The following CGNL1 variants were observed in gnomAD, a reference collection of about 807,000 sequenced individuals.
CGNL1 encodes cingulin-like protein 1.
In CGNL1, 132 loss-of-function variants were observed where a neutral mutation model predicts 141.2. The ratio of observed to expected loss-of-function variants is 0.93; its 90% CI spans 0.81 to 1.08. CGNL1 has a LOEUF of 1.08. Among genes scored for constraint, CGNL1 ranks in the 50% least tolerant of loss-of-function variants. The pLI is 0.00. For missense variants in CGNL1, 1,870 were observed against 1,588.6 expected, an observed-to-expected ratio of 1.18 and a Z score of -3.01; for synonymous variants, 690 against 622.1, an observed-to-expected ratio of 1.11 and a Z score of -1.63.
intron 1 of CGNL1, among the ~76,000 whole-genome samples, chr15:57,389,825 T>G (rs1189703609): frequency 6.6e-6 from 1 of 152,108 alleles, no homozygotes; most frequent in Non-Finnish European, 1.5e-5. Context: ...TTGTTTTTGT[T>G]TTTTTTTGAG....
intron 13 of CGNL1, 83 bp downstream of exon 13, chr15:57,528,898 C>A: frequency 6.9e-7 from 1 of 1,450,462 alleles, no homozygotes; most frequent in Non-Finnish European, 9.3e-7. Context: ...TTGCTCTCAG[C>A]TCAGCCTTTG....
intron 1 of CGNL1, among the ~76,000 whole-genome samples, chr15:57,416,866 T>A (rs991497519): frequency 3.9e-5 from 6 of 152,172 alleles, no homozygotes; most frequent in African/African-American, 1.4e-4. Context: ...GAATGGTGGT[T>A]AGGTTCTAGG....
In CGNL1 at chr15:57,456,715, C is replaced by T. The variant is rs571158493; in HGVS notation, c.2190+2897C>T. ...GTCAGGAATGCATTACCTTCCATTC[C>T]AAGGGTGACAGGTCAACGTGAGACA... On this transcript the variant is annotated intron_variant, in intron 7 of 18. Coordinates refer to ENST00000281282, the MANE Select transcript of CGNL1 (RefSeq NM_032866.5). Among the ~76,000 whole-genome samples, 12 of 151,906 alleles carry T rather than the reference C, an allele frequency of 7.9e-5. No individual in the cohort carries two copies. In the South Asian group the frequency reaches 1.2e-3, roughly 16 times the overall value.
intron 13 of CGNL1, 78 bp downstream of exon 13, chr15:57,528,893 C>A: frequency 6.8e-7 from 1 of 1,471,738 alleles, no homozygotes. Flanking sequence ...CCTCTTTGCT[C>A]TCAGCTCAGC....
chr15:57,431,357 G>C (rs1485877494), intron 1 of CGNL1, among the ~76,000 whole-genome samples: 1 of 152,212 alleles, frequency 6.6e-6, no homozygotes, highest in African/African-American at 2.4e-5. Context: ...TTTAAAATCT[G>C]AAGAGTTTGG....
At chr15:57,490,242 G>A (rs1245078658) in intron 8 of CGNL1, among the ~76,000 whole-genome samples, 1 of 152,094 alleles carries the variant, frequency 6.6e-6, no homozygotes, top group Non-Finnish European at 1.5e-5. Context: ...ATATTAAATG[G>A]GGATACTGGA....
chr15:57,509,641 GT>G (rs1389353304), intron 8 of CGNL1, among the ~76,000 whole-genome samples: 1 of 152,206 alleles, frequency 6.6e-6, no homozygotes, highest in Non-Finnish European at 1.5e-5. Flanking sequence ...AAATGTGGGT[GT>G]TAACCCATGA....
intron 8 of CGNL1, among the ~76,000 whole-genome samples, chr15:57,464,577 AT>A (rs1389807853): frequency 3.3e-5 from 5 of 151,422 alleles, no homozygotes; most frequent in Non-Finnish European, 7.4e-5. Context: ...TTCCTGTTGA[AT>A]TTTTTCAGTG....
At chr15:57,445,499 C>A (rs191659683) in intron 4 of CGNL1, among the ~76,000 whole-genome samples, 1 of 152,158 alleles carries the variant, frequency 6.6e-6, no homozygotes, top group African/African-American at 2.4e-5. Context: ...CCCTTAGGGA[C>A]GGAGACCATA....
rs142659892 is a variant in CGNL1, at chr15:57,459,333, C to T, written c.2191-2347C>T. Among the ~76,000 whole-genome samples, 71 of 152,196 alleles carry T rather than the reference C, an allele frequency of 4.7e-4. No homozygotes were observed. The East Asian group carries it at 0.013, about 28-fold the overall frequency. On this transcript the variant is annotated intron_variant, in intron 7 of 18. Transcript: ENST00000281282. ...ATAAATCAGATCTGTATCCTTCTTT[C>T]AACAAGGATAAGTAGGCGAGTCAAA... is the stretch of plus-strand genomic sequence containing the variant.
At chr15:57,496,403 G>T (rs140683162) in intron 8 of CGNL1, among the ~76,000 whole-genome samples, 1 of 152,120 alleles carries the variant, frequency 6.6e-6, no homozygotes, top group Non-Finnish European at 1.5e-5. Flanking sequence ...AAACCCTATT[G>T]TTAACTGTGC....
At chr15:57,455,492 C>T (rs1029658581) in intron 7 of CGNL1, among the ~76,000 whole-genome samples, 7 of 152,148 alleles carry the variant, frequency 4.6e-5, no homozygotes, top group Non-Finnish European at 1.0e-4. Context: ...CCTGATATCC[C>T]CTGTCCTTTT....
chr15:57,433,223 T>A (rs1202889510), intron 1 of CGNL1, among the ~76,000 whole-genome samples: 1 of 152,208 alleles, frequency 6.6e-6, no homozygotes, highest in Non-Finnish European at 1.5e-5. Flanking sequence ...AAGACACACC[T>A]GGTTATTTTG....
At chr15:57,517,968 C>T (rs1267069964) in intron 9 of CGNL1, among the ~76,000 whole-genome samples, 1 of 149,068 alleles carries the variant, frequency 6.7e-6, no homozygotes, top group Non-Finnish European at 1.5e-5. Context: ...GTTTTCAGAT[C>T]TCCAGGAATA....
chr15:57,442,604 A>T, intron 4 of CGNL1, 126 bp downstream of exon 4: 1 of 573,648 alleles, frequency 1.7e-6, no homozygotes, highest in Non-Finnish European at 3.1e-6. Context: ...AGTGAGGAGT[A>T]CTCTTCATGT....
chr15:57,543,768 C>T lies in CGNL1; in HGVS notation c.3364C>T (p.Leu1122=). ...RQDLECDKIS[L]ERQNKDLKSR... is the part of the protein sequence containing the mutation. ...AGACTTGGAGTGCGACAAGATTTCC[C>T]TGGAGAGGCAGGTGAGGGCAGCCAG... The change falls in exon 15 of 19, where the codon CTG becomes TTG. Residue 1122 remains leucine (L), a synonymous_variant. Transcript: ENST00000281282. 1 of 1,613,948 alleles carries T rather than the reference C, an allele frequency of 6.2e-7. No homozygotes were observed. The highest frequency in any genetic ancestry group is 8.5e-7 in the Non-Finnish European group (1 of 1,179,862).
intron 4 of CGNL1, among the ~76,000 whole-genome samples, chr15:57,447,385 A>G (rs1185861841): frequency 6.6e-5 from 10 of 152,102 alleles, no homozygotes; most frequent in African/African-American, 2.4e-4. Context: ...ATTCACTCTC[A>G]GTTTTCAGGA....
intron 1 of CGNL1, among the ~76,000 whole-genome samples, chr15:57,427,986 T>G (rs540977978): frequency 6.6e-6 from 1 of 151,578 alleles, no homozygotes; most frequent in Non-Finnish European, 1.5e-5. Flanking sequence ...TTTTTTTTTC[T>G]TTTACATTGT....
At chr15:57,466,890 C>T (rs1055682141) in intron 8 of CGNL1, among the ~76,000 whole-genome samples, 1 of 152,032 alleles carries the variant, frequency 6.6e-6, no homozygotes, top group Non-Finnish European at 1.5e-5. Flanking sequence ...ATAAAACAGC[C>T]ACTTTTATTT....
Sources: gnomAD v4.1 joint callset for allele counts (sites outside exome capture counted in the v4.1 genomes callset) on GRCh38, gnomAD v4.1.1 for gene constraint, MANE v1.5 for transcripts, NCBI Gene and HGNC (gene_info 2026-07-23, HGNC 2026-07-21) for gene names.